Variants in CPQ observed in about 807,000 individuals in gnomAD.
CPQ encodes carboxypeptidase Q.
In CPQ, 37 loss-of-function variants were observed where a neutral mutation model predicts 45.7. The ratio of observed to expected loss-of-function variants is 0.81; its 90% CI spans 0.62 to 1.07. The LOEUF (loss-of-function observed/expected upper bound fraction) is 1.07, where lower values mean the gene tolerates loss of function less well. Ranked by LOEUF, CPQ falls within the 50% of genes least tolerant of loss-of-function variation. The probability of loss-of-function intolerance (pLI) is 0.00; values close to 1 mark genes in which losing one functional copy is unlikely to be tolerated. For missense variants in CPQ, 537 were observed against 572.9 expected, an observed-to-expected ratio of 0.94 and a Z score of 0.64; for synonymous variants, 186 against 205.8, an observed-to-expected ratio of 0.90 and a Z score of 0.82.
At chr8:97,124,958 GA>G (rs1186005567) in intron 7 of CPQ, among the ~76,000 whole-genome samples, 1 of 151,946 alleles carries the variant, frequency 6.6e-6, no homozygotes, top group Non-Finnish European at 1.5e-5. Context: ...GAAAATCAAT[GA>G]ATTTTAAAAC....
At chr8:97,025,627 G>T (rs975808377) in intron 5 of CPQ, among the ~76,000 whole-genome samples, 6 of 152,140 alleles carry the variant, frequency 3.9e-5, no homozygotes, top group Non-Finnish European at 8.8e-5. Flanking sequence ...CAGACTGGGG[G>T]CCAGGCTTAC....
chr8:97,020,285 A>T (rs1189289424), intron 5 of CPQ, among the ~76,000 whole-genome samples: 1 of 152,136 alleles, frequency 6.6e-6, no homozygotes, highest in Non-Finnish European at 1.5e-5. Context: ...CTGAAAGAGC[A>T]CAAATTGAGA....
chr8:96,886,471 T>C lies in CPQ; in HGVS notation c.849+6466T>C, dbSNP rs565306128. 1.4e-3 allele frequency among the ~76,000 whole-genome samples: 208 copies of C among 152,358 alleles called. 2 individuals are homozygous for C. Among genetic ancestry groups the C allele is most frequent in the Admixed American group, 0.01 (155 of 15,296 alleles). On this transcript the variant is annotated intron_variant, in intron 4 of 7. Coordinates refer to ENST00000220763, the MANE Select transcript of CPQ (RefSeq NM_016134.4). ...CATTTGAAAATTCAGAGGAAACTTC[T>C]TACCATCTGTGAATAGGTTTTATTT...
At chr8:97,120,369 C>T (rs1039591592) in intron 7 of CPQ, among the ~76,000 whole-genome samples, 2 of 151,408 alleles carry the variant, frequency 1.3e-5, no homozygotes, top group African/African-American at 2.4e-5. Context: ...TATTCACTGC[C>T]GCATTCCTTT....
At chr8:97,005,890 ACATTG>A (rs966666063) in intron 5 of CPQ, among the ~76,000 whole-genome samples, 1 of 152,208 alleles carries the variant, frequency 6.6e-6, no homozygotes, top group African/African-American at 2.4e-5. Flanking sequence ...ATATATGCAT[ACATTG>A]CTGCACTGAA....
At chr8:96,964,173 T>C (rs1250394840) in intron 4 of CPQ, among the ~76,000 whole-genome samples, 3 of 133,404 alleles carry the variant, frequency 2.2e-5, no homozygotes, top group East Asian at 4.4e-4. Context: ...GGTTAAAGTA[T>C]ACACACACAC....
At position 96,717,067 on chromosome 8, in the gene CPQ, A is replaced by ACG. The variant is rs1186383183; in HGVS notation, c.-34-67797_-34-67796insCG. 9.4e-4 allele frequency among the ~76,000 whole-genome samples: 102 copies of ACG among 108,708 alleles called. 5 individuals are homozygous for ACG. The highest frequency in any genetic ancestry group is 4.1e-3 in the African/African-American group (99 of 23,884). The allele number at this position is 108,708 out of a possible 152,430, so 71.3% of individuals were successfully genotyped here. ...TATATATATATATATATATATATAT[A>ACG]TATATATATACGTATATATACACAC... On this transcript the variant is annotated intron_variant, in intron 1 of 7. Coordinates refer to ENST00000220763, the MANE Select transcript of CPQ (RefSeq NM_016134.4).
At position 97,120,107 on chromosome 8, in the gene CPQ, A is replaced by G. The variant is rs377743107; in HGVS notation, c.1256-22913A>G. On this transcript the variant is annotated intron_variant, in intron 7 of 7. Coordinates refer to ENST00000220763, the MANE Select transcript of CPQ (RefSeq NM_016134.4). Reference sequence around the variant, plus strand: ...CAAGTAAATAACAAAACTTTGTCTAACACGTATAAATATTAGGACCTCCTT... The same window carrying G: ...CAAGTAAATAACAAAACTTTGTCTAGCACGTATAAATATTAGGACCTCCTT... 2.4e-4 allele frequency among the ~76,000 whole-genome samples: 36 copies of G among 152,340 alleles called. 1 individual carries two copies. The South Asian group carries it at 6.2e-3, about 26-fold the overall frequency.
At chr8:96,983,041 T>C (rs1813933961) in intron 5 of CPQ, among the ~76,000 whole-genome samples, 1 of 152,216 alleles carries the variant, frequency 6.6e-6, no homozygotes, top group African/African-American at 2.4e-5. Flanking sequence ...AAGTTACCAA[T>C]ACAGTTGAAA....
At chr8:96,727,710 G>T (rs1360857418) in intron 1 of CPQ, among the ~76,000 whole-genome samples, 1 of 152,028 alleles carries the variant, frequency 6.6e-6, no homozygotes, top group Non-Finnish European at 1.5e-5. Flanking sequence ...GCTTATATAG[G>T]CCAGGGTGGG....
At chr8:96,825,637 T>C (rs1811370025) in intron 2 of CPQ, among the ~76,000 whole-genome samples, 1 of 151,962 alleles carries the variant, frequency 6.6e-6, no homozygotes, top group South Asian at 2.1e-4. Flanking sequence ...ATTCATAGAG[T>C]TCTTATATTT....
chr8:96,674,925 ATGACTAT>A (rs1809055631), intron 1 of CPQ, among the ~76,000 whole-genome samples: 2 of 152,186 alleles, frequency 1.3e-5, no homozygotes, highest in South Asian at 4.1e-4. Flanking sequence ...CATAATCACA[ATGACTAT>A]TGAAACACCG....
At chr8:96,875,823 C>A (rs1812137686) in intron 3 of CPQ, among the ~76,000 whole-genome samples, 2 of 151,514 alleles carry the variant, frequency 1.3e-5, no homozygotes, top group Admixed American at 1.3e-4. Flanking sequence ...TTGTCAATTT[C>A]TTTTTTTAAA....
At position 97,008,884 on chromosome 8, in the gene CPQ, G is replaced by A. The variant is rs534299186; in HGVS notation, c.962-20519G>A. 1.4e-4 allele frequency among the ~76,000 whole-genome samples: 22 copies of A among 152,208 alleles called. 1 individual carries two copies. Among genetic ancestry groups the A allele is most frequent in the African/African-American group, 4.6e-4 (19 of 41,570 alleles). ...CAGCTTTCTTTATACAAAGAAAAACGTCTTTGCCCTTTAGTTAATGTTCTC... is the reference window on the plus strand; with the variant it reads ...CAGCTTTCTTTATACAAAGAAAAACATCTTTGCCCTTTAGTTAATGTTCTC... On this transcript the variant is annotated intron_variant, in intron 5 of 7. Coordinates refer to ENST00000220763, the MANE Select transcript of CPQ (RefSeq NM_016134.4).
rs149136320 is a variant in CPQ at position 97,061,389 on chromosome 8, G to A, written c.1054-4620G>A. Among the ~76,000 whole-genome samples the A allele has an allele frequency of 1.3e-3, 191 of 152,156 alleles. 1 individual carries two copies. The highest frequency in any genetic ancestry group is 4.5e-3 in the African/African-American group (188 of 41,502). On this transcript the variant is annotated intron_variant, in intron 6 of 7. Transcript: ENST00000220763. ...TTTTTAATGTATACATTTAACTACG[G>A]TCTTTGTATTTCTGAATTAAAAGTG... is the stretch of plus-strand genomic sequence containing the variant.
At chr8:97,052,981 T>G (rs1586516580) in intron 6 of CPQ, among the ~76,000 whole-genome samples, 1 of 152,198 alleles carries the variant, frequency 6.6e-6, no homozygotes, top group African/African-American at 2.4e-5. Context: ...TTGAGAACAT[T>G]TTTTTAAAAA....
At position 96,879,811 on chromosome 8, in the gene CPQ, A is replaced by G. The variant is rs969404373; in HGVS notation, c.655A>G (p.Ile219Val). 1 of 1,613,892 alleles carries G rather than the reference A, an allele frequency of 6.2e-7. No homozygotes were observed. The highest frequency in any genetic ancestry group is 8.5e-7 in the Non-Finnish European group (1 of 1,179,890). ...TCTTCTCTCAAGTCCTCACACAGGTATTCAGGAATACCAGGATGGCGTGCC... is the reference window on the plus strand; with the variant it reads ...TCTTCTCTCAAGTCCTCACACAGGTGTTCAGGAATACCAGGATGGCGTGCC... ...SFSIYSPHTG[I>V]QEYQDGVPKI... Residue 219 changes from isoleucine to valine, a missense_variant, in exon 4 of 8, where the codon ATT (isoleucine) becomes GTT (valine). Coordinates refer to ENST00000220763, the MANE Select transcript of CPQ (RefSeq NM_016134.4).
intron 7 of CPQ, among the ~76,000 whole-genome samples, chr8:97,096,795 G>A (rs191906402): frequency 6.6e-6 from 1 of 152,334 alleles, no homozygotes; most frequent in East Asian, 1.9e-4. Context: ...TCATGACTCA[G>A]AATCTCTTGG....
chr8:97,081,935 A>G (rs1369493015), intron 7 of CPQ, among the ~76,000 whole-genome samples: 1 of 152,214 alleles, frequency 6.6e-6, no homozygotes, highest in Non-Finnish European at 1.5e-5. Flanking sequence ...ATGAGATTAT[A>G]TAAAAGAAAA....
Sources: allele counts gnomAD v4.1 joint callset (sites outside exome capture counted in the v4.1 genomes callset), GRCh38; gene constraint gnomAD v4.1.1; transcripts MANE v1.5; gene names NCBI Gene and HGNC (gene_info 2026-07-23, HGNC 2026-07-21).